KDM1B: variants seen among roughly 807,000 people sequenced by gnomAD.
KDM1B encodes lysine demethylase 1B, also known as lysine-specific histone demethylase 2.
Under a neutral mutation model 107.4 loss-of-function variants are expected in KDM1B, and 63 were observed. That is an observed-to-expected ratio of 0.59 (90% confidence interval 0.48 to 0.72). KDM1B has a LOEUF of 0.72. Among genes scored for constraint, KDM1B ranks in the 30% least tolerant of loss-of-function variants. The probability of loss-of-function intolerance (pLI) is 0.00; values close to 1 mark genes in which losing one functional copy is unlikely to be tolerated. For missense variants in KDM1B, 749 were observed against 1,020.8 expected (o/e 0.73, Z 3.63); for synonymous variants, 363 against 363.9 (o/e 1.00, Z 0.03).
chr6:18,184,760 T>TTTTTTTTTA (rs60640799), intron 7 of KDM1B, among the ~76,000 whole-genome samples: 1 of 130,828 alleles, frequency 7.6e-6, no homozygotes, highest in Non-Finnish European at 1.6e-5. Flanking sequence ...TTTTTTTTTT[T>TTTTTTTTTA]AAGACAAGGT....
At chr6:18,161,535 T>C in intron 4 of KDM1B, 81 bp downstream of exon 4, 1 of 1,471,038 alleles carries the variant, frequency 6.8e-7, no homozygotes, top group Non-Finnish European at 9.3e-7. Flanking sequence ...GTAGATAGTT[T>C]TCCTAAAGAT....
At chr6:18,181,313 T>G (rs1243878819) in intron 7 of KDM1B, among the ~76,000 whole-genome samples, 2 of 151,750 alleles carry the variant, frequency 1.3e-5, no homozygotes, top group African/African-American at 2.4e-5. Flanking sequence ...CTACACACAC[T>G]TTTTTTTTCT....
In KDM1B at chr6:18,223,804, C is replaced by G. The variant is rs147585537; in HGVS notation, c.*1812C>G. On this transcript the variant is annotated 3_prime_UTR_variant, in exon 22 of 22. Coordinates refer to ENST00000650836, the MANE Select transcript of KDM1B (RefSeq NM_001364614.2). ...GATTTACAATGTTTTAACTACAGTTCATGAATAGCTGGTTGTGTAAAACTA... is the reference window on the plus strand; with the variant it reads ...GATTTACAATGTTTTAACTACAGTTGATGAATAGCTGGTTGTGTAAAACTA... The G allele has an allele frequency of 6.6e-6, 1 of 152,118 alleles. No homozygotes were observed. Among genetic ancestry groups the G allele is most frequent in the Non-Finnish European group, 1.5e-5 (1 of 68,012 alleles). The allele number at this position is 152,118 out of a possible 1,614,324, so 9.4% of individuals were successfully genotyped here.
intron 12 of KDM1B, among the ~76,000 whole-genome samples, chr6:18,199,008 G>GAAAAAAAA (rs70974711): frequency 2.8e-4 from 21 of 74,686 alleles, no homozygotes; most frequent in East Asian, 9.4e-4. Context: ...GTCTCTACCA[G>GAAAAAAAA]AAAAAAAAAA....
chr6:18,208,628 T>TATATATATATATGTATATATATATATA (rs1491350264), intron 17 of KDM1B, among the ~76,000 whole-genome samples: 1 of 16,250 alleles, frequency 6.2e-5, no homozygotes, highest in Non-Finnish European at 1.1e-4. Flanking sequence ...TATATATATA[T>TATATATATATATGTATATATATATATA]TTTTTTTTTT....
At chr6:18,180,487 G>GT (rs1054079439) in intron 7 of KDM1B, among the ~76,000 whole-genome samples, 37 of 152,232 alleles carry the variant, frequency 2.4e-4, no homozygotes, top group African/African-American at 8.4e-4. Flanking sequence ...GATTCTAAAA[G>GT]TTTTTTCAGA....
At chr6:18,221,508 TCTAC>T (rs758627990) in intron 21 of KDM1B, among the ~76,000 whole-genome samples, 12 of 152,324 alleles carry the variant, frequency 7.9e-5, no homozygotes, top group Middle Eastern at 3.4e-3. Context: ...AACGTAACTC[TCTAC>T]CTATTTTTTT....
At chr6:18,215,240 G>C (rs1789134078) in intron 20 of KDM1B, 111 bp downstream of exon 20, 1 of 1,257,926 alleles carries the variant, frequency 7.9e-7, no homozygotes, top group South Asian at 1.5e-5. Context: ...GAAGGCAGAG[G>C]CCACAGTCTT....
At chr6:18,156,915 T>C (rs901208839) in intron 2 of KDM1B, among the ~76,000 whole-genome samples, 1 of 151,968 alleles carries the variant, frequency 6.6e-6, no homozygotes, top group Non-Finnish European at 1.5e-5. Flanking sequence ...AGACTCCGTC[T>C]CAAAAAAAAG....
intron 21 of KDM1B, among the ~76,000 whole-genome samples, chr6:18,221,490 C>G (rs1253318659): frequency 1.3e-5 from 2 of 152,168 alleles, no homozygotes; most frequent in Non-Finnish European, 2.9e-5. Context: ...CTGGTATATC[C>G]TTTGAGTAAC....
chr6:18,199,281 G>A (rs1316317733), intron 12 of KDM1B, among the ~76,000 whole-genome samples: 1 of 152,110 alleles, frequency 6.6e-6, no homozygotes, highest in Admixed American at 6.5e-5. Context: ...AGAAAGTGAA[G>A]AATGTAAGTT....
Position 18,197,684 on chromosome 6 carries a change from T to G in KDM1B, c.1221+23T>G, listed in dbSNP as rs113858549. 6.0e-4 allele frequency: 949 copies of G among 1,573,588 alleles called. 6 individuals are homozygous for G. In the African/African-American group the frequency reaches 0.011, roughly 17 times the overall value. On this transcript the variant is annotated intron_variant, in intron 12 of 21. Coordinates refer to ENST00000650836, the MANE Select transcript of KDM1B (RefSeq NM_001364614.2). The surrounding 1 kb of genome is among the most constrained non-coding windows in gnomAD (Gnocchi z 4.5). The stretch of plus-strand genomic sequence containing the variant: ...AAGGTAGGATTTTGGGGACATGGAG[T>G]TAGAACAGATGGTTGACTGCTCCTT...
chr6:18,215,729 A>G (rs1019599008), intron 20 of KDM1B, among the ~76,000 whole-genome samples: 4 of 148,362 alleles, frequency 2.7e-5, no homozygotes, highest in Non-Finnish European at 5.9e-5. Context: ...TTCTCACATC[A>G]TACACACTTC....
At chr6:18,157,160 G>A (rs1784667426) in intron 2 of KDM1B, among the ~76,000 whole-genome samples, 1 of 152,058 alleles carries the variant, frequency 6.6e-6, no homozygotes, top group Admixed American at 6.6e-5. Context: ...GAAAAATCAA[G>A]AAGGAAGACA....
chr6:18,205,957 A>T lies in KDM1B; in HGVS notation c.1659+293A>T, dbSNP rs1167459831. ...TAGTGAGCTGGGATCGCGCCACTGCACTCCAGCCTGGAGTCTCAAAATAAA... is the reference window on the plus strand; with the variant it reads ...TAGTGAGCTGGGATCGCGCCACTGCTCTCCAGCCTGGAGTCTCAAAATAAA... On this transcript the variant is annotated intron_variant, in intron 15 of 21. Transcript: ENST00000650836. The surrounding 1 kb of genome is among the most constrained non-coding windows in gnomAD (Gnocchi z 5.7). Among the ~76,000 whole-genome samples, 1 of 152,078 alleles carries T rather than the reference A, an allele frequency of 6.6e-6. No homozygotes were observed. Among genetic ancestry groups the T allele is most frequent in the African/African-American group, 2.4e-5 (1 of 41,388 alleles).
intron 9 of KDM1B, among the ~76,000 whole-genome samples, chr6:18,189,066 G>C (rs1321255920): frequency 2.0e-5 from 3 of 152,076 alleles, no homozygotes; most frequent in Non-Finnish European, 4.4e-5. Context: ...TTACAGACAT[G>C]AGCCAGTGCA....
chr6:18,222,932 A>C lies in KDM1B; in HGVS notation c.*940A>C, dbSNP rs1789873712. The C allele has an allele frequency of 6.6e-6, 1 of 152,640 alleles. No homozygotes were observed. Among genetic ancestry groups the C allele is most frequent in the East Asian group, 1.9e-4 (1 of 5,198 alleles). 9.5% of individuals were successfully genotyped at this position (152,640 alleles called of 1,614,324 possible). ...TATTCCATAGGCAGGTCCACTGGAA[A>C]ACTGCAGAAAAATGTGAGCTCTCCT... On this transcript the variant is annotated 3_prime_UTR_variant, in exon 22 of 22. Coordinates refer to ENST00000650836, the MANE Select transcript of KDM1B (RefSeq NM_001364614.2).
At chr6:18,166,225 A>G (rs1170331510) in intron 5 of KDM1B, 42 bp from the exon 6 acceptor site, 1 of 933,122 alleles carries the variant, frequency 1.1e-6, no homozygotes, top group Admixed American at 1.7e-5. Context: ...GCTTATAGCA[A>G]TCGATATATT....
At chr6:18,185,636 T>A (rs909013230) in intron 7 of KDM1B, 136 bp from the exon 8 acceptor site, 6 of 797,320 alleles carry the variant, frequency 7.5e-6, no homozygotes, top group Non-Finnish European at 1.3e-5. Flanking sequence ...GACACTCTGA[T>A]TTATACATTG....
Sources: allele counts gnomAD v4.1 joint callset (sites outside exome capture counted in the v4.1 genomes callset), GRCh38; gene constraint gnomAD v4.1.1; non-coding constraint Gnocchi (gnomAD v3.1); transcripts MANE v1.5; gene names NCBI Gene and HGNC (gene_info 2026-07-23, HGNC 2026-07-21).